Variants in COL4A5 observed in about 807,000 individuals in gnomAD.
COL4A5 encodes the protein collagen type IV alpha 5 chain.
A neutral mutation model predicts 130.2 loss-of-function variants in COL4A5; 26 were observed. The observed-to-expected ratio is 0.20, with a 90% confidence interval of 0.15 to 0.28. COL4A5 has a LOEUF of 0.28. COL4A5 is among the 10% of genes least tolerant of loss of function. COL4A5 has a pLI of 1.00. For synonymous variants in COL4A5, 496 were observed against 439.6 expected, an observed-to-expected ratio of 1.13 and a Z score of -1.60; for missense variants, 1,131 against 1,344.3, an observed-to-expected ratio of 0.84 and a Z score of 2.48.
intron 1 of COL4A5, among the ~76,000 whole-genome samples, chrX:108,447,537 G>T (rs763386683): frequency 8.9e-6 from 1 of 112,063 alleles, no homozygotes; most frequent in Non-Finnish European, 1.9e-5. Context: ...GGTGGCATTT[G>T]AATAGCTGAA....
intron 49 of COL4A5, among the ~76,000 whole-genome samples, chrX:108,691,360 G>A (rs2068637454): frequency 9.0e-6 from 1 of 111,220 alleles, no homozygotes; most frequent in Admixed American, 9.6e-5. Context: ...AAATGTTCAT[G>A]TGCCCCATAA....
chrX:108,587,561 A>G (rs1569492379), intron 19 of COL4A5, among the ~76,000 whole-genome samples: 1 of 111,992 alleles, frequency 8.9e-6, no homozygotes, highest in African/African-American at 3.2e-5. Context: ...GGCTATTGTG[A>G]ATATTGCTAC....
At chrX:108,547,912 C>G (rs1186250298) in intron 2 of COL4A5, among the ~76,000 whole-genome samples, 1 of 112,038 alleles carries the variant, frequency 8.9e-6, no homozygotes, top group Non-Finnish European at 1.9e-5. Flanking sequence ...CCGAGCCAGG[C>G]ACGGGATATA....
intron 2 of COL4A5, among the ~76,000 whole-genome samples, chrX:108,556,351 G>A (rs760041667): frequency 2.2e-4 from 24 of 111,414 alleles, no homozygotes; most frequent in African/African-American, 6.8e-4. Flanking sequence ...TTAGGTGCCT[G>A]TATGCATTCA....
intron 30 of COL4A5, among the ~76,000 whole-genome samples, chrX:108,618,412 A>C (rs1016090404): frequency 1.8e-5 from 2 of 112,067 alleles, no homozygotes; most frequent in Non-Finnish European, 3.8e-5. Context: ...ATAAAATTAA[A>C]TTAATTTTTA....
chrX:108,446,125 C>G (rs952136005), intron 1 of COL4A5, among the ~76,000 whole-genome samples: 2 of 110,699 alleles, frequency 1.8e-5, no homozygotes, highest in African/African-American at 6.5e-5. Flanking sequence ...TACTAAAAAA[C>G]CTGATTAAAT....
At chrX:108,509,990 C>T (rs1292582069) in intron 1 of COL4A5, among the ~76,000 whole-genome samples, 1 of 112,221 alleles carries the variant, frequency 8.9e-6, no homozygotes, top group Non-Finnish European at 1.9e-5. Context: ...AAAGAATGAT[C>T]TCATGTATTT....
chrX:108,673,903 G>A (rs1225486826), intron 42 of COL4A5, among the ~76,000 whole-genome samples: 3 of 108,431 alleles, frequency 2.8e-5, no homozygotes, highest in African/African-American at 1.0e-4. Context: ...TTAGCCAGGC[G>A]TGGTGGTGGG....
chrX:108,597,650 C>A, intron 24 of COL4A5, 82 bp downstream of exon 24: 1 of 893,153 alleles, frequency 1.1e-6, no homozygotes, highest in Non-Finnish European at 1.6e-6. Context: ...AAGGATGGGA[C>A]TGATGCTGAG....
At chrX:108,452,129 A>G (rs1218046559) in intron 1 of COL4A5, among the ~76,000 whole-genome samples, 2 of 111,536 alleles carry the variant, frequency 1.8e-5, no homozygotes, top group South Asian at 3.8e-4. Flanking sequence ...AAGATCAGAT[A>G]GTTGTAGATT....
intron 1 of COL4A5, among the ~76,000 whole-genome samples, chrX:108,508,557 C>CAAAAA (rs1182036182): frequency 4.1e-3 from 157 of 37,948 alleles, no homozygotes; most frequent in Middle Eastern, 0.023. Flanking sequence ...CATGTAGGAC[C>CAAAAA]AAAAAAAAAA....
intron 29 of COL4A5, among the ~76,000 whole-genome samples, chrX:108,609,232 A>G (rs1293396097): frequency 8.9e-6 from 1 of 112,122 alleles, no homozygotes; most frequent in Admixed American, 9.4e-5. Context: ...TGGTGATACC[A>G]TTTTAAATTT....
chrX:108,461,526 AT>A (rs1439684384), intron 1 of COL4A5, among the ~76,000 whole-genome samples: 1 of 111,225 alleles, frequency 9.0e-6, no homozygotes, highest in Non-Finnish European at 1.9e-5. Flanking sequence ...AGATTATTAT[AT>A]TTTTCTTAGT....
At chrX:108,631,140 T>G (rs1431619296) in intron 36 of COL4A5, among the ~76,000 whole-genome samples, 1 of 112,015 alleles carries the variant, frequency 8.9e-6, no homozygotes, top group Non-Finnish European at 1.9e-5. Flanking sequence ...CAATGTGGGC[T>G]CTTTTTTGGT....
intron 36 of COL4A5, among the ~76,000 whole-genome samples, chrX:108,650,793 G>A (rs190553923): frequency 3.3e-4 from 36 of 109,975 alleles, no homozygotes; most frequent in African/African-American, 1.2e-3. Context: ...GTGGGAGTGG[G>A]GCAAGGGATA....
chrX:108,554,765 G>A (rs1287027116), intron 2 of COL4A5, among the ~76,000 whole-genome samples: 3 of 111,205 alleles, frequency 2.7e-5, no homozygotes, highest in East Asian at 5.7e-4. Flanking sequence ...GGGAGGCTGA[G>A]CTGGCAGGAT....
At chrX:108,558,132 T>A (rs1357000780) in intron 2 of COL4A5, among the ~76,000 whole-genome samples, 1 of 88,570 alleles carries the variant, frequency 1.1e-5, no homozygotes, top group Non-Finnish European at 2.1e-5. Context: ...TGTCCAAGTG[T>A]TCTCATTGTT....
Position 108,440,057 on chromosome X carries a change from A to C in COL4A5, c.-69A>C. ...TCTCTCCATATAAACCCTCAAGATTATGTCAATTGGTTAGAGCCAGCCGGG... is the reference window on the plus strand; with the variant it reads ...TCTCTCCATATAAACCCTCAAGATTCTGTCAATTGGTTAGAGCCAGCCGGG... On this transcript the variant is annotated 5_prime_UTR_variant, in exon 1 of 53. An upstream start codon of the reference 5' UTR is lost. Transcript: ENST00000328300. 1.2e-6 allele frequency: 1 copy of C among 827,942 alleles called. No homozygotes were observed. Among genetic ancestry groups the C allele is most frequent in the Non-Finnish European group, 1.8e-6 (1 of 555,509 alleles). 68.2% of individuals were successfully genotyped at this position (827,942 alleles called of 1,213,427 possible).
At position 108,623,633 on chromosome X, in the gene COL4A5, G is replaced by A. The variant is rs761679501; in HGVS notation, c.2918-603G>A. ...TAGTAAAGTTTGTGGCTCTTTGTAC[G>A]TTCTATCCATCAATATTGTCAGTTC... On this transcript the variant is annotated intron_variant, in intron 33 of 52. Transcript: ENST00000328300. 2.4e-4 allele frequency among the ~76,000 whole-genome samples: 27 copies of A among 111,484 alleles called. 1 individual carries two copies. Among genetic ancestry groups the A allele is most frequent in the African/African-American group, 9.8e-5 (3 of 30,694 alleles).
Sources: allele counts gnomAD v4.1 joint callset (sites outside exome capture counted in the v4.1 genomes callset), GRCh38; gene constraint gnomAD v4.1.1; transcripts MANE v1.5; gene names NCBI Gene and HGNC (gene_info 2026-07-23, HGNC 2026-07-21).